The following AAK1 variants were observed in gnomAD, a reference collection of about 807,000 sequenced individuals.
AAK1 encodes AP2-associated protein kinase 1.
In AAK1, 37 loss-of-function variants were observed where a neutral mutation model predicts 116.0. The observed-to-expected ratio is 0.32, with a 90% CI of 0.25 to 0.42. The LOEUF is 0.42. Among genes scored for constraint, AAK1 ranks in the 10% least tolerant of loss-of-function variants. The probability of loss-of-function intolerance (pLI) is 1.00; values close to 1 mark genes in which losing one functional copy is unlikely to be tolerated. For missense variants in AAK1, 919 were observed against 1,170.6 expected (o/e 0.79, Z 3.14); for synonymous variants, 458 against 439.9 (o/e 1.04, Z -0.51).
At position 69,634,977 on chromosome 2, in the gene AAK1, A is replaced by G. The variant is rs1173582783; in HGVS notation, c.163+7901T>C. Among the ~76,000 whole-genome samples, 18 of 152,176 alleles carry G rather than the reference A, an allele frequency of 1.2e-4. 1 individual carries two copies. The highest frequency in any genetic ancestry group is 1.1e-3 in the Admixed American group (17 of 15,276). On this transcript the variant is annotated intron_variant, in intron 2 of 21. Transcript: ENST00000409085. Reference sequence around the variant, plus strand: ...AGACAAAGAAAATAAAAGATCCTCTATTTTTATTTATTTTCATTTTAAAAA... The same window carrying G: ...AGACAAAGAAAATAAAAGATCCTCTGTTTTTATTTATTTTCATTTTAAAAA...
chr2:69,519,212 G>A lies in AAK1; in HGVS notation c.1239C>T (p.Ala413=). 2 of 1,587,126 alleles carry A rather than the reference G, an allele frequency of 1.3e-6. No individual in the cohort carries two copies. Among genetic ancestry groups the A allele is most frequent in the Middle Eastern group, 1.7e-4 (1 of 6,016 alleles). The change falls in exon 12 of 22, where the codon GCC becomes GCT. Residue 413 remains alanine, a synonymous_variant. Coordinates refer to ENST00000409085, the MANE Select transcript of AAK1 (RefSeq NM_014911.5). ...CTTGGGGTTTTGGTTGGGGAACACT[G>A]GCTAAAAGGCCAGGCTGATTGCTGG... ...AGSSNQPGLL[A]SVPQPKPQAP... is the part of the protein sequence containing the mutation.
intron 2 of AAK1, among the ~76,000 whole-genome samples, chr2:69,622,316 C>T (rs570082925): frequency 4.2e-4 from 64 of 152,324 alleles, no homozygotes; most frequent in Non-Finnish European, 8.1e-4. Context: ...GCCTTCCCCC[C>T]TCCCCCGCCC....
chr2:69,529,696 A>ATATCATATC (rs1670171876), intron 8 of AAK1, among the ~76,000 whole-genome samples: 1 of 152,182 alleles, frequency 6.6e-6, no homozygotes, highest in Non-Finnish European at 1.5e-5. Flanking sequence ...GATATGAGTC[A>ATATCATATC]GCTGGACTCC....
At position 69,467,174 on chromosome 2, in the gene AAK1, A is replaced by G. The variant is rs1674515447; in HGVS notation, c.*8695T>C. ...ACAGCATCAAAATCAGACCAAATAA[A>G]TCACCTTCAGCTGGAGTTGCCCCAG... is the stretch of plus-strand genomic sequence containing the variant. On this transcript the variant is annotated 3_prime_UTR_variant, in exon 22 of 22. Coordinates refer to ENST00000409085, the MANE Select transcript of AAK1 (RefSeq NM_014911.5). 1.0e-6 allele frequency: 1 copy of G among 985,366 alleles called. No individual in the cohort carries two copies. The highest frequency in any genetic ancestry group is 1.2e-6 in the Non-Finnish European group (1 of 829,912). The allele number at this position is 985,366 out of a possible 1,614,324, so 61.0% of individuals were successfully genotyped here.
chr2:69,633,479 C>G (rs1171188926), intron 2 of AAK1, among the ~76,000 whole-genome samples: 2 of 150,702 alleles, frequency 1.3e-5, no homozygotes, highest in East Asian at 4.0e-4. Flanking sequence ...TACGCGCCTG[C>G]AGTACCAGCT....
chr2:69,641,024 T>A (rs1273987251), intron 2 of AAK1, among the ~76,000 whole-genome samples: 1 of 152,202 alleles, frequency 6.6e-6, no homozygotes, highest in East Asian at 1.9e-4. Context: ...GAGCTACAAG[T>A]CCTAAATTCT....
At chr2:69,496,546 G>A (rs1313283472) in intron 16 of AAK1, among the ~76,000 whole-genome samples, 2 of 152,166 alleles carry the variant, frequency 1.3e-5, no homozygotes, top group Non-Finnish European at 2.9e-5. Flanking sequence ...TTACAGGCAT[G>A]AGCCACCGCA....
At position 69,468,637 on chromosome 2, in the gene AAK1, GT is replaced by G; in HGVS notation, c.*7231del. 2.0e-6 allele frequency: 2 copies of G among 985,436 alleles called. No homozygotes were observed. The highest frequency in any genetic ancestry group is 2.4e-6 in the Non-Finnish European group (2 of 829,928). The allele number at this position is 985,436 out of a possible 1,614,324, so 61.0% of individuals were successfully genotyped here. On this transcript the variant is annotated 3_prime_UTR_variant, in exon 22 of 22. Transcript: ENST00000409085. ...GAACACTAGTTTGAACAGAGTCAGT[GT>G]TTTTTGGAAATTTAAACTGAATTCA...
chr2:69,480,928 G>C lies in AAK1; in HGVS notation c.2501C>G (p.Pro834Arg). 6.2e-7 allele frequency: 1 copy of C among 1,607,240 alleles called. No individual in the cohort carries two copies. ...CTGGGGAACTGGGGGCTCCAGTCCT[G>C]GTATGAGACTCTCAACAGCAACATC... ...KADVAVESLI[P>R]GLEPPVPQRL... is the part of the protein sequence containing the mutation. Residue 834 changes from proline to arginine, a missense_variant, in exon 19 of 22, where the codon CCA becomes CGA. By Grantham distance (103) the Pro-to-Arg change is moderately radical. Coordinates refer to ENST00000409085, the MANE Select transcript of AAK1 (RefSeq NM_014911.5).
At chr2:69,586,227 T>C (rs1299333256) in intron 2 of AAK1, among the ~76,000 whole-genome samples, 1 of 152,080 alleles carries the variant, frequency 6.6e-6, no homozygotes, top group Non-Finnish European at 1.5e-5. Flanking sequence ...CTTTTCCAGG[T>C]GAGATGCTTA....
rs1392135909 is a variant in AAK1 at position 69,643,676 on chromosome 2, AG to A, written c.-337del. ...AGAGAAGAGGCGGCGCTGCAGCGAG[AG>A]CCGGGGCCGCGCTCGGCTCCCGCCC... On this transcript the variant is annotated 5_prime_UTR_variant, in exon 1 of 22. Transcript: ENST00000409085. The A allele has an allele frequency of 2.5e-6, 3 of 1,223,828 alleles. No homozygotes were observed. The highest frequency in any genetic ancestry group is 3.1e-6 in the Non-Finnish European group (3 of 982,986). 75.8% of individuals were successfully genotyped at this position (1,223,828 alleles called of 1,614,324 possible).
In AAK1 at chr2:69,643,085, ATT is replaced by A. The variant is rs4067981; in HGVS notation, c.-47_-46del. 36,500 of 1,222,050 alleles carry A rather than the reference ATT, an allele frequency of 0.03. No homozygotes were observed. The highest frequency in any genetic ancestry group is 0.036 in the South Asian group (1,951 of 53,900). The allele number at this position is 1,222,050 out of a possible 1,614,324, so 75.7% of individuals were successfully genotyped here. ...AAAGCAAAATACCGATGGTTTCTAGATTTTTTTTTTTTTTTTTTTTTTTTAAG... is the reference window on the plus strand; with the variant it reads ...AAAGCAAAATACCGATGGTTTCTAGATTTTTTTTTTTTTTTTTTTTTTAAG... On this transcript the variant is annotated 5_prime_UTR_variant, in exon 2 of 22. Transcript: ENST00000409085.
intron 3 of AAK1, among the ~76,000 whole-genome samples, chr2:69,547,870 G>A (rs1239114868): frequency 6.6e-6 from 1 of 151,968 alleles, no homozygotes; most frequent in East Asian, 1.9e-4. Flanking sequence ...AATAAAATGT[G>A]GTACATTCAT....
chr2:69,585,359 G>C (rs961496870), intron 2 of AAK1, among the ~76,000 whole-genome samples: 1 of 152,232 alleles, frequency 6.6e-6, no homozygotes, highest in East Asian at 1.9e-4. Context: ...ACTGCGCCCA[G>C]CCAGGAGATA....
At chr2:69,607,345 A>T (rs1412909850) in intron 2 of AAK1, among the ~76,000 whole-genome samples, 1 of 152,128 alleles carries the variant, frequency 6.6e-6, no homozygotes, top group Non-Finnish European at 1.5e-5. Context: ...AATATCAGAA[A>T]ATGGGCTCAG....
intron 2 of AAK1, among the ~76,000 whole-genome samples, chr2:69,579,611 C>T (rs1279786417): frequency 6.6e-6 from 1 of 152,176 alleles, no homozygotes; most frequent in African/African-American, 2.4e-5. Context: ...AAAAACTACT[C>T]TTTCCTTTGG....
Position 69,474,970 on chromosome 2 carries a change from T to TC in AAK1, c.*898dup, listed in dbSNP as rs1329330925. Reference sequence around the variant, plus strand: ...CTACAATTCCTTCCCCTCCCCATCCTCCCCCCACCCCCGCCCCAGTGAAAA... The same window carrying TC: ...CTACAATTCCTTCCCCTCCCCATCCTCCCCCCCACCCCCGCCCCAGTGAAAA... On this transcript the variant is annotated 3_prime_UTR_variant, in exon 22 of 22. Coordinates refer to ENST00000409085, the MANE Select transcript of AAK1 (RefSeq NM_014911.5). 49 of 101,622 alleles carry TC rather than the reference T, an allele frequency of 4.8e-4. No homozygotes were observed. The highest frequency in any genetic ancestry group is 5.8e-4 in the Non-Finnish European group (43 of 73,780). The allele number at this position is 101,622 out of a possible 1,614,324, so 6.3% of individuals were successfully genotyped here.
In AAK1 at chr2:69,470,000, C is replaced by A. The variant is rs947726639; in HGVS notation, c.*5869G>T. 21 of 985,280 alleles carry A rather than the reference C, an allele frequency of 2.1e-5. No homozygotes were observed. The highest frequency in any genetic ancestry group is 2.5e-5 in the Non-Finnish European group (21 of 829,944). The allele number at this position is 985,280 out of a possible 1,614,324, so 61.0% of individuals were successfully genotyped here. A position where few individuals can be genotyped will look rare whatever the true frequency, so the allele number is the denominator to read the frequency against. On this transcript the variant is annotated 3_prime_UTR_variant, in exon 22 of 22. Transcript: ENST00000409085. ...GCTCCCTATTCACTTCCAAAGCAAC[C>A]CAAAGTGCTGAATCATTTAGGATGG... is the stretch of plus-strand genomic sequence containing the variant.
Position 69,581,852 on chromosome 2 carries a change from C to T in AAK1, c.164-24874G>A, listed in dbSNP as rs556826307. 7.2e-5 allele frequency among the ~76,000 whole-genome samples: 11 copies of T among 152,066 alleles called. No homozygotes were observed. In the South Asian group the frequency reaches 2.1e-3, roughly 29 times the overall value. On this transcript the variant is annotated intron_variant, in intron 2 of 21. Transcript: ENST00000409085. ...AAAAACTTAGCCAGGCATGGTGGTG[C>T]GCATCTGTGGTCCTAGCTACTCAAG...
Sources: allele counts gnomAD v4.1 joint callset (sites outside exome capture counted in the v4.1 genomes callset), GRCh38; gene constraint gnomAD v4.1.1; transcripts MANE v1.5; gene names NCBI Gene and HGNC (gene_info 2026-07-23, HGNC 2026-07-21).